ANKS1B: variants seen among roughly 807,000 people sequenced by gnomAD.
The protein encoded by ANKS1B is ankyrin repeat and sterile alpha motif domain-containing protein 1B.
In ANKS1B, 36 loss-of-function variants were observed where a neutral mutation model predicts 148.3. The ratio of observed to expected loss-of-function variants is 0.24; its 90% CI spans 0.19 to 0.32. The LOEUF (loss-of-function observed/expected upper bound fraction) is 0.32. ANKS1B is among the 10% of genes least tolerant of loss of function. The pLI is 1.00. For synonymous variants in ANKS1B, 542 were observed against 560.8 expected (o/e 0.97, Z 0.47); for missense variants, 1,157 against 1,542.6 (o/e 0.75, Z 4.19).
chr12:99,291,205 G>T (rs1218480820), intron 12 of ANKS1B, among the ~76,000 whole-genome samples: 1 of 151,964 alleles, frequency 6.6e-6, no homozygotes, highest in East Asian at 1.9e-4. Flanking sequence ...AATAAAAACT[G>T]TAAAACACTG....
chr12:99,802,156 T>TA (rs1194981977), intron 4 of ANKS1B, among the ~76,000 whole-genome samples: 2 of 152,224 alleles, frequency 1.3e-5, no homozygotes, highest in East Asian at 1.9e-4. Flanking sequence ...TAACAGCTCT[T>TA]AGCATGGAAA....
At chr12:99,757,161 A>C (rs7968060) in intron 8 of ANKS1B, among the ~76,000 whole-genome samples, 65,953 of 151,414 alleles carry the variant, frequency 0.44, 14,695 homozygotes, top group South Asian at 0.61. Flanking sequence ...AGTAAACAGA[A>C]AACCTACATA....
At chr12:99,204,386 T>C (rs989152828) in intron 14 of ANKS1B, among the ~76,000 whole-genome samples, 18 of 152,352 alleles carry the variant, frequency 1.2e-4, no homozygotes, top group African/African-American at 4.1e-4. Flanking sequence ...TTGCTAAGTG[T>C]GACAAATCCA....
At chr12:99,149,759 A>G (rs1455745666) in intron 15 of ANKS1B, among the ~76,000 whole-genome samples, 2 of 152,134 alleles carry the variant, frequency 1.3e-5, no homozygotes, top group African/African-American at 2.4e-5. Context: ...TGATATCATC[A>G]GTATCTTCAT....
intron 12 of ANKS1B, among the ~76,000 whole-genome samples, chr12:99,276,934 A>C (rs2077750085): frequency 6.6e-6 from 1 of 152,148 alleles, no homozygotes; most frequent in Non-Finnish European, 1.5e-5. Flanking sequence ...ATAGTTCCTT[A>C]ATATTTTATT....
chr12:99,508,173 T>C (rs1454146622), intron 9 of ANKS1B, among the ~76,000 whole-genome samples: 2 of 151,902 alleles, frequency 1.3e-5, no homozygotes, highest in African/African-American at 2.4e-5. Flanking sequence ...GAGCTCATTG[T>C]TTAAGATTAC....
intron 17 of ANKS1B, among the ~76,000 whole-genome samples, chr12:98,932,477 C>T (rs774000072): frequency 1.3e-5 from 2 of 152,046 alleles, no homozygotes; most frequent in East Asian, 3.9e-4. Context: ...GAGTGGCAAG[C>T]GGCGAAGACC....
intron 10 of ANKS1B, among the ~76,000 whole-genome samples, chr12:99,482,023 G>T (rs1283403042): frequency 6.6e-6 from 1 of 151,926 alleles, no homozygotes; most frequent in Non-Finnish European, 1.5e-5. Flanking sequence ...CTATGCTAAA[G>T]TGTTTTAGTT....
At chr12:99,172,269 T>C (rs1045572795) in intron 14 of ANKS1B, among the ~76,000 whole-genome samples, 3 of 150,588 alleles carry the variant, frequency 2.0e-5, no homozygotes, top group African/African-American at 7.5e-5. Context: ...AAGGGACTTG[T>C]GTGCCATGAA....
intron 9 of ANKS1B, among the ~76,000 whole-genome samples, chr12:99,523,140 T>G (rs929253094): frequency 6.6e-6 from 1 of 152,178 alleles, no homozygotes; most frequent in Non-Finnish European, 1.5e-5. Context: ...ATGGGAAAAC[T>G]AAAGCATCTT....
intron 14 of ANKS1B, among the ~76,000 whole-genome samples, chr12:99,196,955 T>C (rs1566608905): frequency 6.6e-6 from 1 of 152,154 alleles, no homozygotes; most frequent in Non-Finnish European, 1.5e-5. Context: ...GGGCCACAGA[T>C]AATTCCAGGC....
intron 9 of ANKS1B, among the ~76,000 whole-genome samples, chr12:99,586,854 T>C (rs1385234285): frequency 6.6e-6 from 1 of 152,158 alleles, no homozygotes; most frequent in Non-Finnish European, 1.5e-5. Context: ...TTATTAACTA[T>C]CATGAGAACT....
chr12:99,330,449 C>A (rs981959876), intron 12 of ANKS1B, among the ~76,000 whole-genome samples: 5 of 151,910 alleles, frequency 3.3e-5, no homozygotes, highest in Non-Finnish European at 7.4e-5. Context: ...AAAATGAGAT[C>A]CAAACCAGAT....
chr12:99,128,924 T>G (rs1379362604), intron 15 of ANKS1B, among the ~76,000 whole-genome samples: 1 of 152,220 alleles, frequency 6.6e-6, no homozygotes, highest in African/African-American at 2.4e-5. Context: ...ACTCTTTGAC[T>G]GGAAGCTTGG....
At chr12:99,480,451 CAT>C (rs2096393225) in intron 10 of ANKS1B, among the ~76,000 whole-genome samples, 1 of 151,790 alleles carries the variant, frequency 6.6e-6, no homozygotes, top group South Asian at 2.1e-4. Context: ...AGGAATACCA[CAT>C]GTTGTGATAG....
intron 1 of ANKS1B, among the ~76,000 whole-genome samples, chr12:99,973,808 C>T (rs776921193): frequency 2.0e-5 from 3 of 152,168 alleles, no homozygotes; most frequent in African/African-American, 7.2e-5. Context: ...TAAGGAGTTG[C>T]TTCTTATGGA....
intron 9 of ANKS1B, among the ~76,000 whole-genome samples, chr12:99,514,028 T>C (rs979710996): frequency 3.3e-5 from 5 of 152,076 alleles, no homozygotes; most frequent in Admixed American, 1.3e-4. Flanking sequence ...ATGATTTCAT[T>C]AAATACATTA....
chr12:99,320,648 T>C (rs865893430), intron 12 of ANKS1B, among the ~76,000 whole-genome samples: 9 of 152,332 alleles, frequency 5.9e-5, no homozygotes, highest in South Asian at 2.1e-4. Context: ...CATCTTCCTT[T>C]AGCACAGAGA....
intron 8 of ANKS1B, among the ~76,000 whole-genome samples, chr12:99,753,235 C>G (rs1054383233): frequency 1.3e-5 from 2 of 151,978 alleles, no homozygotes; most frequent in African/African-American, 4.8e-5. Context: ...TGAACTACAC[C>G]TCATAAGATG....
Sources: gnomAD v4.1 joint callset for allele counts (sites outside exome capture counted in the v4.1 genomes callset) on GRCh38, gnomAD v4.1.1 for gene constraint, MANE v1.5 for transcripts, NCBI Gene and HGNC (gene_info 2026-07-23, HGNC 2026-07-21) for gene names.